The following LCT variants were observed in gnomAD, a reference collection of about 807,000 sequenced individuals.
LCT encodes lactase.
LCT carries 90 observed loss-of-function variants against 173.0 expected under a neutral mutation model. That is an observed-to-expected ratio of 0.52 (90% CI 0.44 to 0.62). LCT has a LOEUF of 0.62. Ranked by LOEUF, LCT falls within the 20% of genes least tolerant of loss-of-function variation. LCT has a pLI of 0.00. For synonymous variants in LCT, 853 were observed against 957.6 expected (o/e 0.89, Z 2.02); for missense variants, 1,864 against 2,431.4 (o/e 0.77, Z 4.91).
chr2:135,836,780 G>GATGA lies in LCT; in HGVS notation c.386_389dup (p.Leu131HisfsTer20), dbSNP rs1417230303. ...TGGCAGGGAGGGTCTGGTGGTGCAG[G>GATGA]ATGACCATGGGCTGAAGCCGTGCAG... On this transcript the variant is annotated frameshift_variant, in exon 1 of 17. Coordinates refer to ENST00000264162, the MANE Select transcript of LCT (RefSeq NM_002299.4). LOFTEE classifies it high-confidence loss of function. The GATGA allele has an allele frequency of 8.1e-6, 13 of 1,614,090 alleles. No individual in the cohort carries two copies. Among genetic ancestry groups the GATGA allele is most frequent in the Non-Finnish European group, 1.1e-5 (13 of 1,180,052 alleles).
In LCT at chr2:135,790,420, T is replaced by C. The variant is rs901712980; in HGVS notation, c.5335+238A>G. Among the ~76,000 whole-genome samples, 5 of 152,130 alleles carry C rather than the reference T, an allele frequency of 3.3e-5. No homozygotes were observed. The highest frequency in any genetic ancestry group is 1.2e-4 in the African/African-American group (5 of 41,422). ...GGGAGGATCAAGGGGAGCAAGTGAC[T>C]CAGGCCAGGAACTAGGGTTTGGTGG... On this transcript the variant is annotated intron_variant, in intron 15 of 16. Transcript: ENST00000264162. The surrounding 1 kb of genome is among the most constrained non-coding windows in gnomAD (Gnocchi z 4.1).
intron 12 of LCT, among the ~76,000 whole-genome samples, chr2:135,799,121 T>A (rs958705231): frequency 6.6e-6 from 1 of 152,174 alleles, no homozygotes; most frequent in African/African-American, 2.4e-5. Flanking sequence ...CAAAACTGTT[T>A]CCCCAGCTGG....
At position 135,817,954 on chromosome 2, in the gene LCT, G is replaced by A. The variant is rs1048605566; in HGVS notation, c.1094C>T (p.Ala365Val). ...TTCCGCCCTGGACTGATTGGCAAAT[G>A]CTTCCCAGATTCTCTGATAGGCAGA... ...PASAYQRIWE[A>V]FANQSRAERD... is the part of the protein sequence containing the mutation. Residue 365 changes from alanine (A) to valine (V), a missense_variant, in exon 6 of 17, where the codon GCA (alanine) becomes GTA (valine). Physicochemically the swap from Ala to Val is moderately conservative, Grantham distance 64 (BLOSUM62 0). Coordinates refer to ENST00000264162, the MANE Select transcript of LCT (RefSeq NM_002299.4). 3 of 1,613,820 alleles carry A rather than the reference G, an allele frequency of 1.9e-6. No individual in the cohort carries two copies. The African/African-American group carries it at 4.0e-5, about 22-fold the overall frequency.
chr2:135,812,292 G>A lies in LCT; in HGVS notation c.2353+19C>T. The stretch of plus-strand genomic sequence containing the variant: ...AGTACCACCCACCTTCCAATCACTG[G>A]CACATCCATTGTTCTTACCCTTGAG... On this transcript the variant is annotated intron_variant, in intron 7 of 16. Coordinates refer to ENST00000264162, the MANE Select transcript of LCT (RefSeq NM_002299.4). The A allele has an allele frequency of 6.2e-7, 1 of 1,601,502 alleles. No individual in the cohort carries two copies. Among genetic ancestry groups the A allele is most frequent in the Middle Eastern group, 1.7e-4 (1 of 5,968 alleles).
At chr2:135,794,040 G>A (rs1377228401) in intron 14 of LCT, among the ~76,000 whole-genome samples, 1 of 151,822 alleles carries the variant, frequency 6.6e-6, no homozygotes, top group Non-Finnish European at 1.5e-5. Flanking sequence ...CTTGGAGGCT[G>A]AGGCAGGGGA....
Position 135,809,596 on chromosome 2 carries a change from C to G in LCT, c.2751G>C (p.Gln917His). The G allele has an allele frequency of 6.2e-7, 1 of 1,614,206 alleles. No homozygotes were observed. Among genetic ancestry groups the G allele is most frequent in the Non-Finnish European group, 8.5e-7 (1 of 1,180,050 alleles). Reference sequence around the variant, plus strand: ...CATCGGCATCCCACGCGCCTTCAATCTGATAAGCGGAAGAGGACACGCCCC... The same window carrying G: ...CATCGGCATCCCACGCGCCTTCAATGTGATAAGCGGAAGAGGACACGCCCC... ...FLWGVSSSAY[Q>H]IEGAWDADGK... Residue 917 changes from glutamine to histidine, a missense_variant, in exon 8 of 17, where the codon CAG (glutamine) becomes CAC (histidine). This residue lies in a region of LCT where 755 missense variants were observed against 926.3 expected (regional missense o/e 0.82). Coordinates refer to ENST00000264162, the MANE Select transcript of LCT (RefSeq NM_002299.4). The surrounding 1 kb of genome is among the most constrained non-coding windows in gnomAD (Gnocchi z 5.5).
chr2:135,809,094 C>T lies in LCT; in HGVS notation c.3253G>A (p.Asp1085Asn), dbSNP rs867211650. 1.2e-6 allele frequency: 2 copies of T among 1,614,016 alleles called. No individual in the cohort carries two copies. The highest frequency in any genetic ancestry group is 8.5e-7 in the Non-Finnish European group (1 of 1,180,036). ...ATCCTATATGGTGCCCAGCCTGGGT[C>T]CTTCACCCCTGGGGGAAATTCCCCT... ...GSGEFPPGVK[D>N]PGWAPYRIAH... Residue 1085 changes from aspartate (D) to asparagine (N), a missense_variant, in exon 8 of 17, where the codon GAC (aspartate) becomes AAC (asparagine). Physicochemically the swap from Asp to Asn is conservative, Grantham distance 23 (BLOSUM62 1). Transcript: ENST00000264162. This position sits in a 1 kb window ranked among gnomAD's most constrained non-coding sequence, Gnocchi z 5.5.
rs1285454309 is a variant in LCT at position 135,812,320 on chromosome 2, C to A, written c.2344G>T (p.Val782Leu). The A allele has an allele frequency of 3.1e-6, 5 of 1,613,410 alleles. No homozygotes were observed. Among genetic ancestry groups the A allele is most frequent in the Non-Finnish European group, 4.2e-6 (5 of 1,179,292 alleles). Residue 782 changes from valine (V) to leucine (L), a missense_variant, in exon 7 of 17, where the codon GTG (valine) becomes TTG (leucine). Physicochemically the swap from Val to Leu is conservative, Grantham distance 32 (BLOSUM62 1). Coordinates refer to ENST00000264162, the MANE Select transcript of LCT (RefSeq NM_002299.4). ...CATCCATTGTTCTTACCCTTGAGCA[C>A]CTCATTGATATATTGATTGAAGTAG... ...VDYFNQYINE[V>L]LKAIKEDSVD...
chr2:135,824,966 T>A (rs1000083928), intron 3 of LCT, among the ~76,000 whole-genome samples: 1 of 140,970 alleles, frequency 7.1e-6, no homozygotes, highest in African/African-American at 2.7e-5. Context: ...CACTTCAGTC[T>A]GGGCAACAAG....
At chr2:135,835,976 G>GTATA (rs745860913) in intron 1 of LCT, among the ~76,000 whole-genome samples, 274 of 80,236 alleles carry the variant, frequency 3.4e-3, no homozygotes, top group East Asian at 7.9e-3. Context: ...ATACATGTGT[G>GTATA]TATATATATA....
intron 10 of LCT, 63 bp from the exon 11 acceptor site, chr2:135,804,191 A>C (rs1432578941): frequency 2.4e-6 from 3 of 1,267,462 alleles, no homozygotes; most frequent in Admixed American, 1.7e-5. Context: ...CCTAGGTTAG[A>C]TGTGCCAGCA....
intron 12 of LCT, among the ~76,000 whole-genome samples, chr2:135,799,120 T>C (rs1249819732): frequency 6.6e-6 from 1 of 152,196 alleles, no homozygotes; most frequent in Non-Finnish European, 1.5e-5. Flanking sequence ...TCAAAACTGT[T>C]TCCCCAGCTG....
chr2:135,809,084 C>T lies in LCT; in HGVS notation c.3263G>A (p.Trp1088Ter). The change falls in exon 8 of 17, where the codon TGG becomes TAG. Residue 1088 changes from tryptophan to a stop codon, truncating the protein, a stop_gained. Transcript: ENST00000264162. LOFTEE classifies it high-confidence loss of function. The surrounding 1 kb of genome is among the most constrained non-coding windows in gnomAD (Gnocchi z 5.5). ...GGCGTGGGCTATCCTATATGGTGCC[C>T]AGCCTGGGTCCTTCACCCCTGGGGG... is the stretch of plus-strand genomic sequence containing the variant. ...EFPPGVKDPGWAPYRIAHAVI... is the reference protein window; with the variant it reads ...EFPPGVKDPG 2 of 1,613,986 alleles carry T rather than the reference C, an allele frequency of 1.2e-6. No individual in the cohort carries two copies. Among genetic ancestry groups the T allele is most frequent in the Non-Finnish European group, 1.7e-6 (2 of 1,180,042 alleles).
intron 2 of LCT, among the ~76,000 whole-genome samples, chr2:135,832,872 A>T (rs2077951174): frequency 6.6e-6 from 1 of 152,132 alleles, no homozygotes; most frequent in Admixed American, 6.5e-5. Flanking sequence ...TGGACTCAAA[A>T]ATCAGAGCCA....
chr2:135,791,544 C>A (rs570805753), intron 14 of LCT, among the ~76,000 whole-genome samples: 1 of 151,370 alleles, frequency 6.6e-6, no homozygotes, highest in South Asian at 2.1e-4. Context: ...ACACTTCCTA[C>A]ACTCAGATCT....
chr2:135,791,636 G>A (rs1682638492), intron 14 of LCT, among the ~76,000 whole-genome samples: 1 of 152,246 alleles, frequency 6.6e-6, no homozygotes, highest in Non-Finnish European at 1.5e-5. Context: ...CATTTCATAA[G>A]CACTAGTGGA....
chr2:135,794,730 G>T lies in LCT; in HGVS notation c.5022C>A (p.Thr1674=). ...TESEKRRING[T]YDFFGFNHYT... ...AGTGATTGAACCCAAAAAAGTCATAGGTGCCGTTGATCCTCCTCTTCTCAC... is the reference window on the plus strand; with the variant it reads ...AGTGATTGAACCCAAAAAAGTCATATGTGCCGTTGATCCTCCTCTTCTCAC... Residue 1674 remains threonine (T), a synonymous_variant, in exon 14 of 17, where the codon ACC becomes ACA. Transcript: ENST00000264162. The T allele has an allele frequency of 6.2e-7, 1 of 1,614,184 alleles. No homozygotes were observed. Among genetic ancestry groups the T allele is most frequent in the Non-Finnish European group, 8.5e-7 (1 of 1,180,016 alleles).
intron 5 of LCT, among the ~76,000 whole-genome samples, chr2:135,821,029 C>T (rs886690250): frequency 6.6e-6 from 1 of 151,994 alleles, no homozygotes; most frequent in East Asian, 1.9e-4. Flanking sequence ...TACAGGCGCC[C>T]GCCACCATGC....
chr2:135,835,528 A>C (rs1420807968), intron 1 of LCT, among the ~76,000 whole-genome samples: 4 of 131,342 alleles, frequency 3.0e-5, no homozygotes, highest in South Asian at 2.4e-4. Flanking sequence ...ATATATATAT[A>C]TATCAGGTAC....
Sources: allele counts gnomAD v4.1 joint callset (sites outside exome capture counted in the v4.1 genomes callset), GRCh38; gene constraint gnomAD v4.1.1; regional missense constraint gnomAD v4.1.1; non-coding constraint Gnocchi (gnomAD v3.1); transcripts MANE v1.5; gene names NCBI Gene and HGNC (gene_info 2026-07-23, HGNC 2026-07-21).